The following SETD3 variants were observed in gnomAD, a reference collection of about 807,000 sequenced individuals.
SETD3 encodes the protein SET domain containing 3, actin N3(tau)-histidine methyltransferase.
In SETD3, 19 loss-of-function variants were observed where a neutral mutation model predicts 63.0. The ratio of observed to expected loss-of-function variants is 0.30; its 90% CI spans 0.21 to 0.44. The LOEUF is 0.44. SETD3 is among the 20% of genes least tolerant of loss of function. The pLI, the probability that SETD3 is intolerant of heterozygous loss-of-function variation, is 1.00. For synonymous variants in SETD3, 286 were observed against 264.1 expected, an observed-to-expected ratio of 1.08 and a Z score of -0.80; for missense variants, 587 against 728.5, an observed-to-expected ratio of 0.81 and a Z score of 2.24.
At chr14:99,406,016 C>T (rs1051900826) in intron 9 of SETD3, among the ~76,000 whole-genome samples, 3 of 152,026 alleles carry the variant, frequency 2.0e-5, no homozygotes, top group African/African-American at 4.8e-5. Context: ...TTTATAGACA[C>T]GTATTTTCAA....
intron 6 of SETD3, among the ~76,000 whole-genome samples, chr14:99,430,315 C>T (rs1893102808): frequency 6.6e-6 from 1 of 152,162 alleles, no homozygotes; most frequent in Non-Finnish European, 1.5e-5. Flanking sequence ...CCAGATCTGC[C>T]CACTTGAGGT....
chr14:99,433,159 TTC>T (rs1475453208), intron 6 of SETD3, among the ~76,000 whole-genome samples: 1 of 152,008 alleles, frequency 6.6e-6, no homozygotes, highest in African/African-American at 2.4e-5. Context: ...GTCACAGAGT[TTC>T]TGTTTGGGGG....
rs139854175 is a variant in SETD3 at position 99,457,070 on chromosome 14, C to A, written c.675+1209G>T. 1.5e-3 allele frequency among the ~76,000 whole-genome samples: 226 copies of A among 152,306 alleles called. 5 individuals carry two copies. The East Asian group carries it at 0.041, about 27-fold the overall frequency. ...GTCATGAAAGATATACCATTGAGAA[C>A]TAAGAATAAAAGTATAACCCTTCCA... On this transcript the variant is annotated intron_variant, in intron 6 of 12. Transcript: ENST00000331768.
chr14:99,439,445 A>T (rs1293567832), intron 6 of SETD3, among the ~76,000 whole-genome samples: 2 of 152,124 alleles, frequency 1.3e-5, no homozygotes, highest in Admixed American at 6.5e-5. Flanking sequence ...GTTTTCCTTC[A>T]ATTTCCAATG....
intron 1 of SETD3, among the ~76,000 whole-genome samples, chr14:99,478,067 A>G (rs1294298828): frequency 6.6e-6 from 1 of 152,186 alleles, no homozygotes; most frequent in Non-Finnish European, 1.5e-5. Flanking sequence ...AAACACTTCT[A>G]TGACTATAGC....
chr14:99,471,008 C>A (rs900330586), intron 1 of SETD3, among the ~76,000 whole-genome samples: 1 of 152,122 alleles, frequency 6.6e-6, no homozygotes, highest in African/African-American at 2.4e-5. Flanking sequence ...ATATCAGGGT[C>A]CTCCACCTAA....
At chr14:99,481,470 G>A (rs1368226840), upstream of SETD3, 3 of 398,594 alleles carry the variant, frequency 7.5e-6, no homozygotes, top group Non-Finnish European at 1.3e-5. Context: ...GGGCTTGCCT[G>A]AAGCGAGGGG....
At position 99,458,546 on chromosome 14, in the gene SETD3, C is replaced by G; in HGVS notation, c.419-11G>C. 6.2e-7 allele frequency: 1 copy of G among 1,608,764 alleles called. No homozygotes were observed. The highest frequency in any genetic ancestry group is 8.5e-7 in the Non-Finnish European group (1 of 1,177,180). ...GAGAATATAAGGGCCCTGAATTAAC[C>G]CAGAAGTTAACAGCGTAAGTTCCAC... On this transcript the variant is annotated splice_polypyrimidine_tract_variant and intron_variant, in intron 5 of 12. Coordinates refer to ENST00000331768, the MANE Select transcript of SETD3 (RefSeq NM_032233.3).
chr14:99,463,372 A>T (rs1895182800), intron 3 of SETD3, 114 bp downstream of exon 3: 1 of 764,064 alleles, frequency 1.3e-6, no homozygotes. Context: ...CCAGTACAAG[A>T]CCTTTCAGAG....
At chr14:99,451,225 A>G (rs2139751975) in intron 6 of SETD3, among the ~76,000 whole-genome samples, 1 of 152,334 alleles carries the variant, frequency 6.6e-6, no homozygotes, top group East Asian at 1.9e-4. Flanking sequence ...TTACAGCTGA[A>G]CTTTGGTATG....
At position 99,398,664 on chromosome 14, in the gene SETD3, CA is replaced by C; in HGVS notation, c.*14del. The C allele has an allele frequency of 6.2e-7, 1 of 1,607,186 alleles. No homozygotes were observed. The highest frequency in any genetic ancestry group is 8.5e-7 in the Non-Finnish European group (1 of 1,174,960). On this transcript the variant is annotated 3_prime_UTR_variant, in exon 13 of 13. Transcript: ENST00000331768. Reference sequence around the variant, plus strand: ...CTCCTGCTCCACTGGATCCCCCATCCAGCTTCACCTCGAGCTACTCCTTAAC... The same window carrying C: ...CTCCTGCTCCACTGGATCCCCCATCCGCTTCACCTCGAGCTACTCCTTAAC...
chr14:99,444,651 G>C (rs1894027245), intron 6 of SETD3, among the ~76,000 whole-genome samples: 1 of 152,158 alleles, frequency 6.6e-6, no homozygotes, highest in South Asian at 2.1e-4. Context: ...TTGAGCTCAT[G>C]AATTTGAGAT....
At chr14:99,412,814 C>T (rs1014973027) in intron 8 of SETD3, 137 bp downstream of exon 8, 35 of 628,608 alleles carry the variant, frequency 5.6e-5, no homozygotes, top group Non-Finnish European at 9.5e-5. Context: ...GAGGAGTGGC[C>T]GGTTCGGTTT....
chr14:99,431,309 C>T (rs753545944), intron 6 of SETD3, among the ~76,000 whole-genome samples: 1 of 152,200 alleles, frequency 6.6e-6, no homozygotes, highest in Admixed American at 6.5e-5. Flanking sequence ...CCCATTACCA[C>T]ATGGAGAAAC....
rs565021811 is a variant in SETD3 at position 99,414,048 on chromosome 14, G to A, written c.676-114C>T. ...TAACAGATCCTAACAAGAGCCAAAT[G>A]AAGCAGGCGGCGTCCAGCCGCGCTA... On this transcript the variant is annotated intron_variant, in intron 6 of 12. Coordinates refer to ENST00000331768, the MANE Select transcript of SETD3 (RefSeq NM_032233.3). The A allele has an allele frequency of 3.8e-5, 37 of 962,024 alleles. No individual in the cohort carries two copies. In the East Asian group the frequency reaches 8.5e-4, roughly 22 times the overall value. 59.6% of individuals were successfully genotyped at this position (962,024 alleles called of 1,614,324 possible).
intron 2 of SETD3, among the ~76,000 whole-genome samples, chr14:99,464,320 T>C (rs148762557): frequency 2.0e-5 from 3 of 152,346 alleles, no homozygotes; most frequent in African/African-American, 7.2e-5. Flanking sequence ...TGCTTAACCT[T>C]TGGGGCCCCT....
At chr14:99,473,669 G>A (rs566015142) in intron 1 of SETD3, among the ~76,000 whole-genome samples, 11 of 152,272 alleles carry the variant, frequency 7.2e-5, no homozygotes, top group Admixed American at 2.6e-4. Context: ...ACTCGAGAGA[G>A]TGTGAGGGCC....
At chr14:99,464,775 G>A (rs1384159351) in intron 2 of SETD3, among the ~76,000 whole-genome samples, 1 of 152,224 alleles carries the variant, frequency 6.6e-6, no homozygotes, top group Non-Finnish European at 1.5e-5. Context: ...ACACTAACTT[G>A]CTAAAACAAG....
chr14:99,431,681 G>T (rs564736439), intron 6 of SETD3, among the ~76,000 whole-genome samples: 13 of 152,106 alleles, frequency 8.5e-5, no homozygotes, highest in African/African-American at 3.1e-4. Flanking sequence ...GTAGAGACGG[G>T]GTTTCTCCAT....
Sources: allele counts gnomAD v4.1 joint callset (sites outside exome capture counted in the v4.1 genomes callset), GRCh38; gene constraint gnomAD v4.1.1; transcripts MANE v1.5; gene names NCBI Gene and HGNC (gene_info 2026-07-23, HGNC 2026-07-21).